Variants in DGLUCY observed in about 807,000 individuals in gnomAD.
The protein encoded by DGLUCY is D-glutamate cyclase.
A neutral mutation model predicts 58.5 loss-of-function variants in DGLUCY; 58 were observed. The observed-to-expected ratio is 0.99, with a 90% CI of 0.80 to 1.23. The LOEUF (loss-of-function observed/expected upper bound fraction) is 1.23. Among genes scored for constraint, DGLUCY ranks in the 50% most tolerant of loss-of-function variants. DGLUCY has a pLI of 0.00. For missense variants in DGLUCY, 779 were observed against 784.7 expected, an observed-to-expected ratio of 0.99 and a Z score of 0.09; for synonymous variants, 325 against 314.1, an observed-to-expected ratio of 1.03 and a Z score of -0.37.
chr14:91,134,564 A>C (rs1424303943), intron 1 of DGLUCY, among the ~76,000 whole-genome samples: 1 of 151,732 alleles, frequency 6.6e-6, no homozygotes, highest in Non-Finnish European at 1.5e-5. Flanking sequence ...CAGCCTCCCG[A>C]GTAGCTGGGA....
intron 1 of DGLUCY, among the ~76,000 whole-genome samples, chr14:91,156,785 G>A (rs191593205): frequency 2.0e-5 from 3 of 152,314 alleles, no homozygotes; most frequent in African/African-American, 7.2e-5. Flanking sequence ...CTCACTTCTA[G>A]AGGAAGACCA....
intron 1 of DGLUCY, among the ~76,000 whole-genome samples, chr14:91,069,434 C>A (rs2140025109): frequency 6.6e-6 from 1 of 152,052 alleles, no homozygotes; most frequent in South Asian, 2.1e-4. Flanking sequence ...CACCACCATG[C>A]CCAGCTAAAT....
intron 1 of DGLUCY, among the ~76,000 whole-genome samples, chr14:91,146,827 C>T (rs1370321834): frequency 6.6e-6 from 1 of 152,096 alleles, no homozygotes; most frequent in Non-Finnish European, 1.5e-5. Flanking sequence ...CTGTGTTTTT[C>T]AGAGCAAGTA....
At chr14:91,145,363 G>A (rs1434362531) in intron 1 of DGLUCY, 4 of 152,220 alleles carry the variant, frequency 2.6e-5, no homozygotes, top group Non-Finnish European at 5.9e-5. Flanking sequence ...TTTGTCCTGT[G>A]TATCACATCG....
chr14:91,213,198 G>A lies in DGLUCY; in HGVS notation c.1565-2207G>A, dbSNP rs146755450. On this transcript the variant is annotated intron_variant, in intron 12 of 13. Transcript: ENST00000256324. ...ACCTATAATCCCAGCACTTTGGGAGGCCAAGACGGGTTGGTCGTTTGAAGC... is the reference window on the plus strand; with the variant it reads ...ACCTATAATCCCAGCACTTTGGGAGACCAAGACGGGTTGGTCGTTTGAAGC... Among the ~76,000 whole-genome samples, 288 of 152,286 alleles carry A rather than the reference G, an allele frequency of 1.9e-3. 1 individual carries two copies. The highest frequency in any genetic ancestry group is 0.01 in the Admixed American group (153 of 15,290).
rs1566927637 is a variant in DGLUCY at position 91,067,096 on chromosome 14, AAAAG to A, written c.-82+6398_-82+6401del. Among the ~76,000 whole-genome samples the A allele has an allele frequency of 2.3e-4, 35 of 151,404 alleles. 1 individual carries two copies. The South Asian group carries it at 6.5e-3, about 28-fold the overall frequency. On this transcript the variant is annotated intron_variant, in intron 1 of 4. Coordinates refer to the DGLUCY transcript ENST00000521334. ...ACTCCATCTCAAAAAAAAAAAAAAA[AAAAG>A]AAAGAGTTATTTCATGTTGAGTAGA...
At chr14:91,086,346 A>ATTT in intron 1 of DGLUCY, among the ~76,000 whole-genome samples, 1 of 152,216 alleles carries the variant, frequency 6.6e-6, no homozygotes, top group East Asian at 1.9e-4. Flanking sequence ...CCATGGAAAA[A>ATTT]TGGTCTTCCG....
In DGLUCY at chr14:91,096,483, G is replaced by A. The variant is rs557915136; in HGVS notation, c.-82+35779G>A. On this transcript the variant is annotated intron_variant, in intron 1 of 4. Transcript: ENST00000521334. Reference sequence around the variant, plus strand: ...TGCATTATTGAAAATTGGGGAGTGCGACCCTCTCACTGGTGACTCCTCCTG... The same window carrying A: ...TGCATTATTGAAAATTGGGGAGTGCAACCCTCTCACTGGTGACTCCTCCTG... Among the ~76,000 whole-genome samples, 98 of 152,226 alleles carry A rather than the reference G, an allele frequency of 6.4e-4. No individual in the cohort carries two copies. The South Asian group carries it at 0.019, about 30-fold the overall frequency.
intron 10 of DGLUCY, among the ~76,000 whole-genome samples, chr14:91,196,689 C>T (rs1236286480): frequency 6.9e-6 from 1 of 145,584 alleles, no homozygotes; most frequent in Non-Finnish European, 1.5e-5. Flanking sequence ...AGTAACAGGT[C>T]CCTGGGCAGC....
intron 1 of DGLUCY, among the ~76,000 whole-genome samples, chr14:91,082,924 G>T (rs2044151396): frequency 6.6e-6 from 1 of 152,134 alleles, no homozygotes; most frequent in South Asian, 2.1e-4. Flanking sequence ...TGGTTGATTT[G>T]TAAAATTTTT....
intron 6 of DGLUCY, 64 bp from the exon 7 acceptor site, chr14:91,175,870 A>G (rs1343893123): frequency 1.9e-6 from 3 of 1,577,594 alleles, no homozygotes; most frequent in Middle Eastern, 1.7e-4. Context: ...ACCATAAACT[A>G]CTCAACCAGT....
At chr14:91,152,459 C>T (rs1276930126) in intron 1 of DGLUCY, among the ~76,000 whole-genome samples, 1 of 152,128 alleles carries the variant, frequency 6.6e-6, no homozygotes, top group South Asian at 2.1e-4. Flanking sequence ...GTGGGGAGCC[C>T]TTGTATTTAA....
intron 1 of DGLUCY, among the ~76,000 whole-genome samples, chr14:91,071,356 G>GAA (rs1356059418): frequency 7.5e-6 from 1 of 132,640 alleles, no homozygotes; most frequent in Non-Finnish European, 1.6e-5. Context: ...AAAAAAAGAA[G>GAA]TCTAAAGGCT....
chr14:91,177,267 T>C (rs1353977535), intron 7 of DGLUCY, among the ~76,000 whole-genome samples: 2 of 152,194 alleles, frequency 1.3e-5, no homozygotes, highest in Non-Finnish European at 2.9e-5. Context: ...TCCTGAGTCA[T>C]AGGGATAACA....
At chr14:91,112,126 G>A (rs1203665273), upstream of DGLUCY, among the ~76,000 whole-genome samples, 2 of 151,780 alleles carry the variant, frequency 1.3e-5, no homozygotes, top group African/African-American at 2.4e-5. Flanking sequence ...GCACATGCCT[G>A]TAATCTCAGC....
At chr14:91,137,375 G>A (rs916201267) in intron 1 of DGLUCY, among the ~76,000 whole-genome samples, 16 of 151,710 alleles carry the variant, frequency 1.1e-4, no homozygotes, top group Middle Eastern at 6.3e-3. Flanking sequence ...TATCAGAAAA[G>A]GTAGAGAATT....
chr14:91,066,615 T>C (rs1413082392), intron 1 of DGLUCY, among the ~76,000 whole-genome samples: 1 of 152,056 alleles, frequency 6.6e-6, no homozygotes, highest in Non-Finnish European at 1.5e-5. Context: ...GCACATAGCA[T>C]GACCCCATCT....
chr14:91,161,965 G>C (rs1477062442), intron 3 of DGLUCY, among the ~76,000 whole-genome samples: 2 of 152,128 alleles, frequency 1.3e-5, no homozygotes, highest in Non-Finnish European at 2.9e-5. Flanking sequence ...GTTGACGACT[G>C]CTTGCTAGGA....
chr14:91,185,253 G>A (rs1555403040), intron 8 of DGLUCY, among the ~76,000 whole-genome samples: 1 of 144,542 alleles, frequency 6.9e-6, no homozygotes, highest in African/African-American at 2.6e-5. Context: ...ACAGGTGTGA[G>A]CCACCGTGCC....
Sources: allele counts gnomAD v4.1 joint callset (sites outside exome capture counted in the v4.1 genomes callset), GRCh38; gene constraint gnomAD v4.1.1; transcripts MANE v1.5; gene names NCBI Gene and HGNC (gene_info 2026-07-23, HGNC 2026-07-21).